Variants in CHD6 observed in about 807,000 individuals in gnomAD.
CHD6 encodes ATP-dependent chromatin remodeler CHD6.
A neutral mutation model predicts 276.9 loss-of-function variants in CHD6; 50 were observed. The observed-to-expected ratio is 0.18, with a 90% CI of 0.14 to 0.23. The LOEUF (loss-of-function observed/expected upper bound fraction) is 0.23, where lower values mean the gene tolerates loss of function less well. Among genes scored for constraint, CHD6 ranks in the 10% least tolerant of loss-of-function variants. The probability of loss-of-function intolerance (pLI) is 1.00; values close to 1 mark genes in which losing one functional copy is unlikely to be tolerated. For synonymous variants in CHD6, 1,173 were observed against 1,229.3 expected, an observed-to-expected ratio of 0.95 and a Z score of 0.96; for missense variants, 2,564 against 3,365.8, an observed-to-expected ratio of 0.76 and a Z score of 5.89.
At position 41,513,927 on chromosome 20, in the gene CHD6, T is replaced by C. The variant is rs542430167; in HGVS notation, c.702+878A>G. On this transcript the variant is annotated intron_variant, in intron 4 of 36. Transcript: ENST00000373233. ...ATAAAAACCTCTCCCCAACACCACA[T>C]ACAGATCACCATTCTACAAACACCT... Among the ~76,000 whole-genome samples, 10 of 152,258 alleles carry C rather than the reference T, an allele frequency of 6.6e-5. No individual in the cohort carries two copies. In the East Asian group the frequency reaches 9.7e-4, roughly 15 times the overall value.
At chr20:41,437,797 C>T (rs2047762279) in intron 26 of CHD6, among the ~76,000 whole-genome samples, 1 of 152,146 alleles carries the variant, frequency 6.6e-6, no homozygotes, top group Admixed American at 6.5e-5. Flanking sequence ...ACAATAGATC[C>T]CTTCTTCTGA....
chr20:41,574,418 T>C (rs2045451795), intron 1 of CHD6, among the ~76,000 whole-genome samples: 1 of 152,180 alleles, frequency 6.6e-6, no homozygotes, highest in African/African-American at 2.4e-5. Context: ...TACTTGGGTA[T>C]TATTTAGTCA....
chr20:41,432,341 A>T (rs1454560753), intron 27 of CHD6, among the ~76,000 whole-genome samples: 1 of 152,098 alleles, frequency 6.6e-6, no homozygotes, highest in Non-Finnish European at 1.5e-5. Context: ...GCTGAGTGGG[A>T]GCTCAGACTT....
At chr20:41,500,782 T>A (rs150387929) in intron 5 of CHD6, among the ~76,000 whole-genome samples, 1 of 152,040 alleles carries the variant, frequency 6.6e-6, no homozygotes, top group Non-Finnish European at 1.5e-5. Context: ...AGGAAATGCA[T>A]AATCAATAGG....
intron 1 of CHD6, among the ~76,000 whole-genome samples, chr20:41,592,741 A>G: frequency 6.6e-6 from 1 of 152,194 alleles, no homozygotes; most frequent in East Asian, 1.9e-4. Context: ...CAGCACTGGC[A>G]TTAGCAGGGA....
intron 12 of CHD6, among the ~76,000 whole-genome samples, chr20:41,489,181 T>G (rs959179477): frequency 6.6e-6 from 1 of 152,196 alleles, no homozygotes; most frequent in African/African-American, 2.4e-5. Flanking sequence ...TCCAAGTGTC[T>G]CTGCTGTTTT....
Position 41,485,211 on chromosome 20 carries a change from T to C in CHD6, c.2002-604A>G, listed in dbSNP as rs537426964. On this transcript the variant is annotated intron_variant, in intron 14 of 36. Coordinates refer to ENST00000373233, the MANE Select transcript of CHD6 (RefSeq NM_032221.5). The stretch of plus-strand genomic sequence containing the variant: ...GGTGTTCTTTGCTACAATTTGTCTG[T>C]TCTTCCCCTAAAAGCACAGGCCTGG... Among the ~76,000 whole-genome samples, 4 of 152,304 alleles carry C rather than the reference T, an allele frequency of 2.6e-5. No homozygotes were observed. The South Asian group carries it at 8.3e-4, about 32-fold the overall frequency.
intron 12 of CHD6, among the ~76,000 whole-genome samples, chr20:41,488,812 A>C (rs1203922681): frequency 6.6e-6 from 1 of 152,236 alleles, no homozygotes; most frequent in African/African-American, 2.4e-5. Flanking sequence ...CAGAAGCGAG[A>C]CAACATCTGC....
At chr20:41,563,144 A>G (rs533626970) in intron 1 of CHD6, among the ~76,000 whole-genome samples, 3 of 152,354 alleles carry the variant, frequency 2.0e-5, no homozygotes, top group Admixed American at 2.0e-4. Context: ...GCAAATCAAC[A>G]GTAGTGATTT....
At chr20:41,582,348 G>A (rs1297547592) in intron 1 of CHD6, among the ~76,000 whole-genome samples, 1 of 152,150 alleles carries the variant, frequency 6.6e-6, no homozygotes, top group East Asian at 1.9e-4. Flanking sequence ...GGAAATTCTT[G>A]ATAACATAAA....
chr20:41,506,151 C>A (rs189800487), intron 5 of CHD6, among the ~76,000 whole-genome samples: 1 of 152,166 alleles, frequency 6.6e-6, no homozygotes, highest in African/African-American at 2.4e-5. Flanking sequence ...CCAGATTATT[C>A]TCAAGAGTCT....
At chr20:41,536,837 TG>T (rs748524113) in intron 2 of CHD6, among the ~76,000 whole-genome samples, 3 of 152,210 alleles carry the variant, frequency 2.0e-5, no homozygotes, top group Non-Finnish European at 4.4e-5. Context: ...AAGCTAGTAC[TG>T]TTCTCTATCC....
intron 27 of CHD6, among the ~76,000 whole-genome samples, chr20:41,432,782 T>C (rs1034851366): frequency 1.3e-5 from 2 of 152,156 alleles, no homozygotes; most frequent in Non-Finnish European, 2.9e-5. Flanking sequence ...GATCTTAGAA[T>C]GATCTGACAT....
intron 1 of CHD6, among the ~76,000 whole-genome samples, chr20:41,554,137 CCT>C (rs938684623): frequency 6.6e-6 from 1 of 151,946 alleles, no homozygotes; most frequent in African/African-American, 2.4e-5. Flanking sequence ...AGAGTGAGGC[CCT>C]GTCTCAAAAA....
At chr20:41,618,050 G>A (rs974810117) in intron 1 of CHD6, among the ~76,000 whole-genome samples, 12 of 148,098 alleles carry the variant, frequency 8.1e-5, no homozygotes, top group African/African-American at 2.9e-4. Flanking sequence ...CACTCCCAAG[G>A]ACGGCCGCCC....
intron 16 of CHD6, among the ~76,000 whole-genome samples, chr20:41,479,342 C>G (rs1175541150): frequency 6.6e-6 from 1 of 152,088 alleles, no homozygotes; most frequent in African/African-American, 2.4e-5. Context: ...GCTCAGTAAG[C>G]AGGATGAATC....
chr20:41,464,627 T>C (rs1239980048), intron 17 of CHD6, among the ~76,000 whole-genome samples: 3 of 152,200 alleles, frequency 2.0e-5, no homozygotes, highest in Non-Finnish European at 4.4e-5. Context: ...ACAGAATAAA[T>C]ATAGCTGTGT....
Position 41,484,621 on chromosome 20 carries a change from T to C in CHD6, c.2002-14A>G. Reference sequence around the variant, plus strand: ...CAGTTTCTTTACCTGTCCAGGGAAATGAGACCTAGTTACCTGCCTCAATCC... The same window carrying C: ...CAGTTTCTTTACCTGTCCAGGGAAACGAGACCTAGTTACCTGCCTCAATCC... On this transcript the variant is annotated splice_polypyrimidine_tract_variant and intron_variant, in intron 14 of 36. Transcript: ENST00000373233. 3 of 1,613,252 alleles carry C rather than the reference T, an allele frequency of 1.9e-6. No individual in the cohort carries two copies. The highest frequency in any genetic ancestry group is 1.3e-5 in the African/African-American group (1 of 74,940).
Position 41,415,374 on chromosome 20 carries a change from C to A in CHD6, c.6751G>T (p.Ala2251Ser). The change falls in exon 34 of 37, where the codon GCC (alanine) becomes TCC (serine). Residue 2251 changes from alanine to serine, a missense_variant. Ala to Ser is a moderately conservative substitution (Grantham distance 99). Coordinates refer to ENST00000373233, the MANE Select transcript of CHD6 (RefSeq NM_032221.5). ...KIGAISSLQGALGMDLSGILQ... is the reference protein window; with the variant it reads ...KIGAISSLQGSLGMDLSGILQ... ...ATCCCAGACAAGTCCATGCCAAGGG[C>A]TCCCTGAAGTGAACTGATAGCCCCA... 1 of 1,614,054 alleles carries A rather than the reference C, an allele frequency of 6.2e-7. No homozygotes were observed. Among genetic ancestry groups the A allele is most frequent in the Non-Finnish European group, 8.5e-7 (1 of 1,179,950 alleles).
Sources: gnomAD v4.1 joint callset for allele counts (sites outside exome capture counted in the v4.1 genomes callset) on GRCh38, gnomAD v4.1.1 for gene constraint, MANE v1.5 for transcripts, NCBI Gene and HGNC (gene_info 2026-07-23, HGNC 2026-07-21) for gene names.